Variants in LGALS9 observed in about 807,000 individuals in gnomAD.
LGALS9 encodes galectin 9, also known as galectin-9.
Under a neutral mutation model 35.9 loss-of-function variants are expected in LGALS9, and 26 were observed. The ratio of observed to expected loss-of-function variants is 0.72; its 90% CI spans 0.53 to 1.01. The LOEUF is 1.01. Ranked by LOEUF, LGALS9 falls within the 50% of genes least tolerant of loss-of-function variation. The pLI is 0.00. For synonymous variants in LGALS9, 149 were observed against 172.2 expected (o/e 0.87, Z 1.06); for missense variants, 347 against 445.8 (o/e 0.78, Z 1.99).
intron 4 of LGALS9, 28 bp from the exon 5 acceptor site, chr17:27,643,497 C>A (rs560318356): frequency 6.2e-6 from 10 of 1,611,124 alleles, no homozygotes; most frequent in Admixed American, 1.7e-5. Flanking sequence ...TGCTTCTCCT[C>A]ACTGCCCGGT....
chr17:27,645,191 G>C, intron 5 of LGALS9, 123 bp from the exon 6 acceptor site: 1 of 1,581,232 alleles, frequency 6.3e-7, no homozygotes, highest in Non-Finnish European at 8.6e-7. Flanking sequence ...GGAGCAAGAG[G>C]GAGGTGGGTG....
At chr17:27,633,316 C>T (rs2074410304) in intron 1 of LGALS9, among the ~76,000 whole-genome samples, 1 of 152,228 alleles carries the variant, frequency 6.6e-6, no homozygotes, top group African/African-American at 2.4e-5. Context: ...ATCCAAATGC[C>T]ACAGCAGCCT....
At chr17:27,641,275 T>C (rs1323222966) in intron 3 of LGALS9, among the ~76,000 whole-genome samples, 2 of 152,148 alleles carry the variant, frequency 1.3e-5, no homozygotes. Flanking sequence ...TCCCCATTCG[T>C]TCAGTATGCA....
At position 27,646,482 on chromosome 17, in the gene LGALS9, C is replaced by T. The variant is rs544228200; in HGVS notation, c.628-65C>T. On this transcript the variant is annotated intron_variant, in intron 7 of 10. Transcript: ENST00000395473. Reference sequence around the variant, plus strand: ...GAGTCCTCTCTAGAACGCGTGGGTGCGCCTGGGTGAGTGCTCGCGCACCCA... The same window carrying T: ...GAGTCCTCTCTAGAACGCGTGGGTGTGCCTGGGTGAGTGCTCGCGCACCCA... 1.2e-5 allele frequency: 19 copies of T among 1,610,146 alleles called. 1 individual carries two copies. Among genetic ancestry groups the T allele is most frequent in the Admixed American group, 1.7e-5 (1 of 59,998 alleles).
At chr17:27,641,599 C>A (rs757902281) in intron 3 of LGALS9, among the ~76,000 whole-genome samples, 2 of 152,118 alleles carry the variant, frequency 1.3e-5, no homozygotes, top group Non-Finnish European at 1.5e-5. Context: ...ATGGGTTGAT[C>A]TCTGCAGCAA....
At chr17:27,637,334 C>G (rs2074463802) in intron 1 of LGALS9, among the ~76,000 whole-genome samples, 2 of 152,198 alleles carry the variant, frequency 1.3e-5, no homozygotes, top group Admixed American at 1.3e-4. Flanking sequence ...GGTGAAACAC[C>G]TTCCTATTTT....
At chr17:27,632,175 G>A (rs886292124) in intron 1 of LGALS9, among the ~76,000 whole-genome samples, 5 of 151,790 alleles carry the variant, frequency 3.3e-5, no homozygotes, top group South Asian at 2.1e-4. Flanking sequence ...GTCCTGGGCC[G>A]GCTCCTGTCA....
chr17:27,647,520 AT>A (rs1170482107), intron 10 of LGALS9, 88 bp downstream of exon 10: 2 of 1,528,606 alleles, frequency 1.3e-6, no homozygotes, highest in African/African-American at 2.8e-5. Flanking sequence ...CTTGAACAGT[AT>A]GGGGGCTGAT....
intron 2 of LGALS9, 170 bp from the exon 3 acceptor site, chr17:27,640,402 A>T: frequency 1.0e-6 from 1 of 987,834 alleles, no homozygotes; most frequent in Non-Finnish European, 1.5e-6. Context: ...AAACAAAAAC[A>T]CATTAGATCC....
At chr17:27,631,456 T>C (rs1260421744) in intron 1 of LGALS9, 152 bp downstream of exon 1, 3 of 1,063,368 alleles carry the variant, frequency 2.8e-6, no homozygotes, top group Non-Finnish European at 4.2e-6. Flanking sequence ...GAGGTCATCC[T>C]GGCACACCTG....
intron 10 of LGALS9, among the ~76,000 whole-genome samples, chr17:27,648,351 T>C (rs1172110002): frequency 1.3e-5 from 2 of 152,236 alleles, no homozygotes; most frequent in African/African-American, 4.8e-5. Flanking sequence ...CTAATAATCA[T>C]GAATTTCCTA....
At chr17:27,635,861 G>C (rs2074445010) in intron 1 of LGALS9, among the ~76,000 whole-genome samples, 1 of 152,168 alleles carries the variant, frequency 6.6e-6, no homozygotes, top group African/African-American at 2.4e-5. Context: ...GGGAAAACAG[G>C]CTTCCCAATC....
At chr17:27,643,984 G>A in intron 5 of LGALS9, 1 of 209,106 alleles carries the variant, frequency 4.8e-6, no homozygotes, top group Non-Finnish European at 9.6e-6. Context: ...CCCTCTCCCT[G>A]CTTAAAAATC....
chr17:27,645,234 T>A (rs1904844114), intron 5 of LGALS9, 80 bp from the exon 6 acceptor site: 1 of 1,610,854 alleles, frequency 6.2e-7, no homozygotes, highest in Admixed American at 1.7e-5. Context: ...CACAAGAGCC[T>A]CCCTGGAGTT....
rs150780645 is a variant in LGALS9 at position 27,641,895 on chromosome 17, C to A, written c.334-343C>A. ...AGGCTGAGGCACGAGAATCACTTGACCCACTGCACTCCAGCCTGGGCGACA... is the reference window on the plus strand; with the variant it reads ...AGGCTGAGGCACGAGAATCACTTGAACCACTGCACTCCAGCCTGGGCGACA... On this transcript the variant is annotated intron_variant, in intron 3 of 10. Transcript: ENST00000395473. Among the ~76,000 whole-genome samples, 92 of 151,874 alleles carry A rather than the reference C, an allele frequency of 6.1e-4. 1 individual carries two copies. Among genetic ancestry groups the A allele is most frequent in the African/African-American group, 2.1e-3 (88 of 41,414 alleles).
intron 3 of LGALS9, chr17:27,641,163 T>G (rs1180778377): frequency 5.4e-6 from 2 of 371,718 alleles, no homozygotes; most frequent in Non-Finnish European, 1.1e-5. Flanking sequence ...GGGTATAGTT[T>G]TGTAAGCACA....
chr17:27,640,898 T>A, intron 3 of LGALS9, 125 bp downstream of exon 3: 1 of 1,422,504 alleles, frequency 7.0e-7, no homozygotes, highest in Non-Finnish European at 9.7e-7. Context: ...GATAACACGC[T>A]CATTTCCTTG....
intron 1 of LGALS9, among the ~76,000 whole-genome samples, chr17:27,634,798 G>A (rs56131977): frequency 0.011 from 1,616 of 152,178 alleles, 32 homozygotes; most frequent in African/African-American, 0.037. Flanking sequence ...CACAGTTTCC[G>A]GGGATTCGAA....
intron 1 of LGALS9, among the ~76,000 whole-genome samples, chr17:27,632,937 C>A (rs1269278799): frequency 6.6e-6 from 1 of 152,164 alleles, no homozygotes; most frequent in Non-Finnish European, 1.5e-5. Context: ...CGCTGTCCTG[C>A]TGAGGAGGGC....
Sources: allele counts gnomAD v4.1 joint callset (sites outside exome capture counted in the v4.1 genomes callset), GRCh38; gene constraint gnomAD v4.1.1; transcripts MANE v1.5; gene names NCBI Gene and HGNC (gene_info 2026-07-23, HGNC 2026-07-21).